The following NRG3 variants were observed in gnomAD, a reference collection of about 807,000 sequenced individuals.
NRG3 encodes the protein neuregulin 3, also known as pro-neuregulin-3, membrane-bound isoform.
NRG3 carries 31 observed loss-of-function variants against 66.9 expected under a neutral mutation model. That is an observed-to-expected ratio of 0.46 (90% CI 0.35 to 0.63). NRG3 has a LOEUF of 0.63. NRG3 is among the 20% of genes least tolerant of loss of function. The pLI, the probability that NRG3 is intolerant of heterozygous loss-of-function variation, is 0.00. For missense variants in NRG3, 910 were observed against 878.9 expected (o/e 1.04, Z -0.45); for synonymous variants, 393 against 359.4 (o/e 1.09, Z -1.06).
Position 82,171,282 on chromosome 10 carries a change from A to T in NRG3, c.824-187457A>T, listed in dbSNP as rs1310154286. Among the ~76,000 whole-genome samples the T allele has an allele frequency of 2.6e-5, 4 of 151,936 alleles. No individual in the cohort carries two copies. The East Asian group carries it at 7.7e-4, about 29-fold the overall frequency. ...AGTGATGTACTAAAAGATGAAGTAT[A>T]CTCCTTACTAGCAAGGTTTTTCCTC... On this transcript the variant is annotated intron_variant, in intron 1 of 8. Coordinates refer to ENST00000372141, the MANE Select transcript of NRG3 (RefSeq NM_001010848.4).
In NRG3 at chr10:82,878,908, G is replaced by A. The variant is rs76431072; in HGVS notation, c.1054+13471G>A. Among the ~76,000 whole-genome samples the A allele has an allele frequency of 3.3e-4, 50 of 152,164 alleles. No homozygotes were observed. In the East Asian group the frequency reaches 8.5e-3, roughly 26 times the overall value. On this transcript the variant is annotated intron_variant, in intron 4 of 8. Transcript: ENST00000372141. ...CTGGCACCCTGACCACTCCTACCAC[G>A]TTATTATTCTCATTTCTCTACCTAC...
At chr10:82,056,851 C>T (rs1391586537) in intron 1 of NRG3, among the ~76,000 whole-genome samples, 1 of 152,070 alleles carries the variant, frequency 6.6e-6, no homozygotes, top group African/African-American at 2.4e-5. Context: ...AGCCAGTAGT[C>T]TAATTATTGT....
In NRG3 at chr10:82,876,605, A is replaced by T. The variant is rs78251085; in HGVS notation, c.1054+11168A>T. ...TGATCTTTTAGTCAGTATCAAGTTG[A>T]TTACTTACATATGCCAAATATCTCA... On this transcript the variant is annotated intron_variant, in intron 4 of 8. Coordinates refer to ENST00000372141, the MANE Select transcript of NRG3 (RefSeq NM_001010848.4). 9.6e-3 allele frequency among the ~76,000 whole-genome samples: 1,455 copies of T among 152,342 alleles called. 21 individuals are homozygous for T. The highest frequency in any genetic ancestry group is 0.034 in the African/African-American group (1,406 of 41,582).
In NRG3 at chr10:81,875,230, C is replaced by T. The variant is rs1484482713; in HGVS notation, c.-111C>T. On this transcript the variant is annotated 5_prime_UTR_variant, in exon 1 of 9. Coordinates refer to ENST00000372141, the MANE Select transcript of NRG3 (RefSeq NM_001010848.4). The surrounding 1 kb of genome is among the most constrained non-coding windows in gnomAD (Gnocchi z 5.3). ...CGGCCGCCGCGGCCGCTGCCTGCGCCCGAGCCCGCCGCCGCCGCCGGAGCC... is the reference window on the plus strand; with the variant it reads ...CGGCCGCCGCGGCCGCTGCCTGCGCTCGAGCCCGCCGCCGCCGCCGGAGCC... 8 of 593,916 alleles carry T rather than the reference C, an allele frequency of 1.3e-5. No individual in the cohort carries two copies. The highest frequency in any genetic ancestry group is 1.7e-5 in the Non-Finnish European group (8 of 474,992). 36.8% of individuals were successfully genotyped at this position (593,916 alleles called of 1,614,324 possible). A position where few individuals can be genotyped will look rare whatever the true frequency, so the allele number is the denominator to read the frequency against.
intron 1 of NRG3, among the ~76,000 whole-genome samples, chr10:82,001,190 T>TAAAAA (rs200565414): frequency 8.4e-6 from 1 of 119,620 alleles, no homozygotes; most frequent in African/African-American, 3.5e-5. Flanking sequence ...AAGGAAAGTG[T>TAAAAA]AAGAGAAAAA....
chr10:82,235,484 T>C (rs1315702563), intron 1 of NRG3, among the ~76,000 whole-genome samples: 5 of 152,194 alleles, frequency 3.3e-5, no homozygotes, highest in African/African-American at 1.2e-4. Context: ...TATCATTTAG[T>C]TCAGACTCTA....
intron 4 of NRG3, among the ~76,000 whole-genome samples, chr10:82,889,842 A>G (rs1842998749): frequency 6.6e-6 from 1 of 152,212 alleles, no homozygotes; most frequent in African/African-American, 2.4e-5. Flanking sequence ...AGGAATCTCA[A>G]TAGGAGTGTT....
chr10:82,122,892 C>T (rs771329388), intron 1 of NRG3, among the ~76,000 whole-genome samples: 1 of 152,010 alleles, frequency 6.6e-6, no homozygotes, highest in Non-Finnish European at 1.5e-5. Context: ...GTCATTATAA[C>T]ACCTCTTAAT....
At chr10:82,007,599 C>T (rs1428766592) in intron 1 of NRG3, among the ~76,000 whole-genome samples, 1 of 152,048 alleles carries the variant, frequency 6.6e-6, no homozygotes, top group Non-Finnish European at 1.5e-5. Flanking sequence ...ATAATTTTAT[C>T]CATTATAATC....
chr10:81,997,529 A>G (rs953304150), intron 1 of NRG3, among the ~76,000 whole-genome samples: 1 of 152,170 alleles, frequency 6.6e-6, no homozygotes, highest in East Asian at 1.9e-4. Context: ...GTGAAGCCTC[A>G]GCTATGTATT....
chr10:82,862,982 G>GTATTTGTC, intron 3 of NRG3, among the ~76,000 whole-genome samples: 1 of 152,052 alleles, frequency 6.6e-6, no homozygotes, highest in East Asian at 1.9e-4. Flanking sequence ...CATGCATTAC[G>GTATTTGTC]TATTTGTCCT....
chr10:82,006,835 C>A (rs1444478405), intron 1 of NRG3, among the ~76,000 whole-genome samples: 1 of 152,024 alleles, frequency 6.6e-6, no homozygotes, highest in Non-Finnish European at 1.5e-5. Context: ...ATTTCTGAAG[C>A]TTTTTAGTAA....
intron 2 of NRG3, among the ~76,000 whole-genome samples, chr10:82,402,598 T>G (rs1168599725): frequency 6.6e-6 from 1 of 152,226 alleles, no homozygotes. Context: ...CTTCTTCATC[T>G]TTCCAGGGAC....
rs190609021 is a variant in NRG3 at position 81,977,288 on chromosome 10, G to A, written c.823+101125G>A. 8.0e-4 allele frequency among the ~76,000 whole-genome samples: 121 copies of A among 152,200 alleles called. 1 individual carries two copies. Among genetic ancestry groups the A allele is most frequent in the Non-Finnish European group, 1.6e-3 (106 of 68,016 alleles). On this transcript the variant is annotated intron_variant, in intron 1 of 8. Transcript: ENST00000372141. The stretch of plus-strand genomic sequence containing the variant: ...TAATGTCTGTCTACTGCAGTAAGCC[G>A]TGTGTGCTCCTGAAAGCTGGGTTTT...
intron 2 of NRG3, among the ~76,000 whole-genome samples, chr10:82,587,522 C>G (rs1336251136): frequency 6.6e-6 from 1 of 152,124 alleles, no homozygotes; most frequent in Admixed American, 6.5e-5. Flanking sequence ...TATCTGTAGT[C>G]TCTTAGAAAT....
chr10:82,459,275 G>A (rs1334340454), intron 2 of NRG3, among the ~76,000 whole-genome samples: 2 of 152,166 alleles, frequency 1.3e-5, no homozygotes, highest in African/African-American at 2.4e-5. Flanking sequence ...TGTAGGCTGA[G>A]GGCCCTGCAC....
intron 2 of NRG3, among the ~76,000 whole-genome samples, chr10:82,410,746 A>G (rs2088011811): frequency 6.6e-6 from 1 of 152,086 alleles, no homozygotes; most frequent in South Asian, 2.1e-4. Context: ...CAAGAAAAGA[A>G]GAAGTTCACA....
chr10:82,324,778 G>T (rs988461253), intron 1 of NRG3, among the ~76,000 whole-genome samples: 1 of 152,110 alleles, frequency 6.6e-6, no homozygotes, highest in Admixed American at 6.5e-5. Flanking sequence ...CACATGCATT[G>T]TATGAGTTGA....
At chr10:82,267,004 C>T (rs568487027) in intron 1 of NRG3, among the ~76,000 whole-genome samples, 6 of 152,196 alleles carry the variant, frequency 3.9e-5, no homozygotes, top group African/African-American at 1.4e-4. Context: ...AATAAAAATC[C>T]AGATTCTACC....
Sources: gnomAD v4.1 joint callset for allele counts (sites outside exome capture counted in the v4.1 genomes callset) on GRCh38, gnomAD v4.1.1 for gene constraint, Gnocchi (gnomAD v3.1) non-coding constraint, MANE v1.5 for transcripts, NCBI Gene and HGNC (gene_info 2026-07-23, HGNC 2026-07-21) for gene names.